Variants in MEGF10 observed in about 807,000 individuals in gnomAD.
The protein encoded by MEGF10 is multiple epidermal growth factor-like domains protein 10.
In MEGF10, 86 loss-of-function variants were observed where a neutral mutation model predicts 147.5. The ratio of observed to expected loss-of-function variants is 0.58; its 90% CI spans 0.49 to 0.70. The LOEUF (loss-of-function observed/expected upper bound fraction) is 0.70, where lower values mean the gene tolerates loss of function less well. MEGF10 is among the 30% of genes least tolerant of loss of function. MEGF10 has a pLI of 0.00. For missense variants in MEGF10, 1,329 were observed against 1,487.3 expected (o/e 0.89, Z 1.75); for synonymous variants, 478 against 525.5 (o/e 0.91, Z 1.24).
chr5:127,410,623 A>C (rs752735490), intron 9 of MEGF10, 22 bp downstream of exon 9: 1 of 1,571,012 alleles, frequency 6.4e-7, no homozygotes, highest in Non-Finnish European at 8.6e-7. Flanking sequence ...CTTCCCCTGG[A>C]AGGACGTGTC....
intron 4 of MEGF10, among the ~76,000 whole-genome samples, chr5:127,361,721 TTTG>T (rs1762476540): frequency 6.6e-6 from 1 of 152,154 alleles, no homozygotes; most frequent in African/African-American, 2.4e-5. Flanking sequence ...ATGTTGTGAT[TTTG>T]TTTTCATTTA....
At chr5:127,306,159 A>G (rs1760003185) in intron 1 of MEGF10, among the ~76,000 whole-genome samples, 1 of 152,212 alleles carries the variant, frequency 6.6e-6, no homozygotes, top group Non-Finnish European at 1.5e-5. Flanking sequence ...TGTGCTATTT[A>G]CAAAAATGAG....
intron 13 of MEGF10, chr5:127,424,399 A>G: frequency 4.7e-6 from 4 of 845,364 alleles, no homozygotes; most frequent in East Asian, 2.6e-5. Context: ...CAATATGTTA[A>G]TTTCCACAAA....
At chr5:127,315,486 A>C (rs1198601525) in intron 1 of MEGF10, among the ~76,000 whole-genome samples, 1 of 152,178 alleles carries the variant, frequency 6.6e-6, no homozygotes, top group Admixed American at 6.5e-5. Flanking sequence ...TTAAAAATAT[A>C]TGAATCTTGC....
chr5:127,325,887 G>A (rs1324286862), intron 1 of MEGF10, among the ~76,000 whole-genome samples: 7 of 49,460 alleles, frequency 1.4e-4, no homozygotes, highest in African/African-American at 2.5e-4. Flanking sequence ...GTGTGTGTGT[G>A]TATATATATA....
intron 13 of MEGF10, among the ~76,000 whole-genome samples, chr5:127,431,766 T>C (rs1301242379): frequency 6.6e-6 from 1 of 152,194 alleles, no homozygotes; most frequent in Non-Finnish European, 1.5e-5. Context: ...TTGTTGGTAC[T>C]TTCTTTAAAT....
Position 127,419,105 on chromosome 5 carries a change from C to T in MEGF10, c.1306-15C>T, listed in dbSNP as rs749057151. 1.5e-5 allele frequency: 24 copies of T among 1,592,712 alleles called. No individual in the cohort carries two copies. The highest frequency in any genetic ancestry group is 8.1e-5 in the South Asian group (7 of 86,480). On this transcript the variant is annotated splice_polypyrimidine_tract_variant and intron_variant, in intron 10 of 24. Transcript: ENST00000503335. ...TGGCAAAATTGAATGCATTTTGCTACTTGTGCCTGTCTAGGGAATTGACTG... is the reference window on the plus strand; with the variant it reads ...TGGCAAAATTGAATGCATTTTGCTATTTGTGCCTGTCTAGGGAATTGACTG...
chr5:127,352,893 G>C (rs1561588557), intron 4 of MEGF10, among the ~76,000 whole-genome samples: 1 of 152,170 alleles, frequency 6.6e-6, no homozygotes, highest in Non-Finnish European at 1.5e-5. Flanking sequence ...CCCCAGAGAG[G>C]TCAGTTCCCA....
intron 1 of MEGF10, among the ~76,000 whole-genome samples, chr5:127,327,399 T>C (rs376050001): frequency 2.5e-3 from 383 of 152,298 alleles, no homozygotes; most frequent in African/African-American, 8.8e-3. Context: ...TTTGAATATA[T>C]TCAAAATGTC....
chr5:127,260,467 T>C, the MEGF10 span, among the ~76,000 whole-genome samples: 3 of 152,188 alleles, frequency 2.0e-5, no homozygotes, highest in Non-Finnish European at 4.4e-5. Context: ...CCTCCCTTCA[T>C]GTCTCATTGT....
chr5:127,434,773 G>A lies in MEGF10; in HGVS notation c.1927G>A (p.Gly643Ser), dbSNP rs767856393. The change falls in exon 15 of 25, where the codon GGC becomes AGC. Residue 643 changes from glycine to serine, a missense_variant. This residue lies in a region of MEGF10 where 980 missense variants were observed against 1,085.9 expected (regional missense o/e 0.90). Coordinates refer to ENST00000503335, the MANE Select transcript of MEGF10 (RefSeq NM_001256545.2). ...HSSGPCHHITGLCDCLPGFTG... is the reference protein window; with the variant it reads ...HSSGPCHHITSLCDCLPGFTG... ...CAGCGGGCCCTGCCACCACATCACC[G>A]GCCTGTGTGACTGCTTGCCTGGCTT... 3.7e-6 allele frequency: 6 copies of A among 1,613,708 alleles called. No homozygotes were observed. Among genetic ancestry groups the A allele is most frequent in the East Asian group, 2.2e-5 (1 of 44,842 alleles).
the MEGF10 span, among the ~76,000 whole-genome samples, chr5:127,261,924 G>A: frequency 6.6e-6 from 1 of 152,012 alleles, no homozygotes; most frequent in Non-Finnish European, 1.5e-5. Flanking sequence ...AGAAATGTCT[G>A]TTCAGATGCT....
At chr5:127,376,275 T>G (rs1763022832) in intron 5 of MEGF10, among the ~76,000 whole-genome samples, 1 of 152,164 alleles carries the variant, frequency 6.6e-6, no homozygotes. Context: ...TGCCTTTGTC[T>G]ATGTTTTAAG....
the MEGF10 span, among the ~76,000 whole-genome samples, chr5:127,271,959 T>C: frequency 6.6e-6 from 1 of 152,218 alleles, no homozygotes; most frequent in South Asian, 2.1e-4. Flanking sequence ...ATTTTTGCTT[T>C]TGTTGCTATT....
Position 127,336,588 on chromosome 5 carries a change from T to C in MEGF10, c.117-2532T>C, listed in dbSNP as rs181763474. The stretch of plus-strand genomic sequence containing the variant: ...TTTACTTGTTTGCTTATGGAATTGG[T>C]TCTTCCATCCACATCAAATAGAACT... On this transcript the variant is annotated intron_variant, in intron 2 of 24. Transcript: ENST00000503335. Among the ~76,000 whole-genome samples, 80 of 152,202 alleles carry C rather than the reference T, an allele frequency of 5.3e-4. No homozygotes were observed. In the East Asian group the frequency reaches 0.012, roughly 24 times the overall value.
chr5:127,331,177 G>A (rs1275815740), intron 1 of MEGF10, 114 bp from the exon 2 acceptor site: 3 of 614,152 alleles, frequency 4.9e-6, no homozygotes, highest in African/African-American at 1.9e-5. Context: ...TACATGGCTT[G>A]TTATGCACAT....
At chr5:127,306,056 C>T (rs1383934169) in intron 1 of MEGF10, among the ~76,000 whole-genome samples, 2 of 152,208 alleles carry the variant, frequency 1.3e-5, no homozygotes, top group African/African-American at 4.8e-5. Context: ...GACATTAACT[C>T]TTCACCCAAG....
intron 13 of MEGF10, among the ~76,000 whole-genome samples, chr5:127,432,986 T>C (rs151215144): frequency 7.6e-4 from 114 of 150,786 alleles, no homozygotes; most frequent in African/African-American, 2.6e-3. Context: ...TTTTACACTT[T>C]ATTTCTCTGT....
At chr5:127,323,372 C>T (rs913961513) in intron 1 of MEGF10, among the ~76,000 whole-genome samples, 5 of 152,240 alleles carry the variant, frequency 3.3e-5, no homozygotes, top group Non-Finnish European at 5.9e-5. Flanking sequence ...GGATGGTGCC[C>T]TGTGTGGAAG....
Sources: allele counts gnomAD v4.1 joint callset (sites outside exome capture counted in the v4.1 genomes callset), GRCh38; gene constraint gnomAD v4.1.1; regional missense constraint gnomAD v4.1.1; transcripts MANE v1.5; gene names NCBI Gene and HGNC (gene_info 2026-07-23, HGNC 2026-07-21).